ATRNL1: variants seen among roughly 807,000 people sequenced by gnomAD.
ATRNL1 encodes attractin-like protein 1.
ATRNL1 carries 95 observed loss-of-function variants against 182.7 expected under a neutral mutation model. The observed-to-expected ratio is 0.52, with a 90% confidence interval of 0.44 to 0.62. ATRNL1 has a LOEUF of 0.62. Among genes scored for constraint, ATRNL1 ranks in the 20% least tolerant of loss-of-function variants. The pLI, the probability that ATRNL1 is intolerant of heterozygous loss-of-function variation, is 0.00. For missense variants in ATRNL1, 1,471 were observed against 1,679.5 expected (o/e 0.88, Z 2.17); for synonymous variants, 576 against 568.3 (o/e 1.01, Z -0.19).
intron 22 of ATRNL1, among the ~76,000 whole-genome samples, chr10:115,465,283 G>A (rs1554970568): frequency 6.6e-6 from 1 of 151,570 alleles, no homozygotes; most frequent in East Asian, 1.9e-4. Context: ...TTTGCTACCA[G>A]ATATCTACCT....
Position 115,654,915 on chromosome 10 carries a change from A to G in ATRNL1, c.3796-72333A>G, listed in dbSNP as rs369652961. Among the ~76,000 whole-genome samples, 39 of 152,272 alleles carry G rather than the reference A, an allele frequency of 2.6e-4. 1 individual carries two copies. In the South Asian group the frequency reaches 7.9e-3, roughly 31 times the overall value. ...TAGCCAAGACCTTAAGAGACTGACA[A>G]TTTCCACTTCTTGTCTCTTAGAGCA... On this transcript the variant is annotated intron_variant, in intron 26 of 28. Transcript: ENST00000355044.
chr10:115,650,044 TG>T (rs1555033906), intron 26 of ATRNL1, among the ~76,000 whole-genome samples: 1 of 152,170 alleles, frequency 6.6e-6, no homozygotes, highest in East Asian at 1.9e-4. Context: ...TTCTCATTTC[TG>T]TGCTTATGAG....
intron 27 of ATRNL1, among the ~76,000 whole-genome samples, chr10:115,818,392 G>A (rs1270308034): frequency 1.3e-5 from 2 of 151,992 alleles, no homozygotes; most frequent in African/African-American, 2.4e-5. Flanking sequence ...TTGGCTTATT[G>A]TATTATTCAG....
At chr10:115,508,367 A>G (rs887676804) in intron 24 of ATRNL1, among the ~76,000 whole-genome samples, 8 of 152,066 alleles carry the variant, frequency 5.3e-5, no homozygotes, top group East Asian at 1.9e-4. Flanking sequence ...ATTGCTTCCC[A>G]GTGTTCAAAT....
At chr10:115,384,761 C>T (rs1167763446) in intron 19 of ATRNL1, among the ~76,000 whole-genome samples, 4 of 151,844 alleles carry the variant, frequency 2.6e-5, no homozygotes, top group Admixed American at 1.3e-4. Flanking sequence ...ATCCTTGCTG[C>T]AGACTGTATT....
intron 26 of ATRNL1, among the ~76,000 whole-genome samples, chr10:115,685,960 G>A (rs1259919717): frequency 2.6e-5 from 4 of 151,466 alleles, no homozygotes; most frequent in Non-Finnish European, 5.9e-5. Context: ...TGCCAAATAT[G>A]GAATATTATT....
chr10:115,589,376 T>A (rs1433247370), intron 26 of ATRNL1, among the ~76,000 whole-genome samples: 1 of 152,156 alleles, frequency 6.6e-6, no homozygotes, highest in African/African-American at 2.4e-5. Flanking sequence ...TGGAAAATAT[T>A]ATATTTATTC....
chr10:115,166,987 C>T (rs1287177826), intron 7 of ATRNL1, among the ~76,000 whole-genome samples: 2 of 151,864 alleles, frequency 1.3e-5, no homozygotes, highest in East Asian at 3.9e-4. Context: ...GATCCAATGT[C>T]ATGAAGCTTT....
intron 8 of ATRNL1, among the ~76,000 whole-genome samples, chr10:115,213,594 G>A (rs1011537588): frequency 1.5e-4 from 23 of 152,114 alleles, no homozygotes; most frequent in African/African-American, 5.3e-4. Context: ...TTTTTCTTTG[G>A]TTGTCTCTTA....
intron 21 of ATRNL1, among the ~76,000 whole-genome samples, chr10:115,461,477 G>C (rs1404091899): frequency 6.6e-6 from 1 of 151,974 alleles, no homozygotes. Context: ...CATTATATGA[G>C]AAATATTATT....
intron 1 of ATRNL1, among the ~76,000 whole-genome samples, chr10:115,115,648 C>G (rs543869910): frequency 3.9e-5 from 6 of 152,052 alleles, no homozygotes; most frequent in African/African-American, 1.4e-4. Context: ...CAAAGGCCAC[C>G]CTGCATAAAG....
Position 115,191,640 on chromosome 10 carries a change from A to G in ATRNL1, c.1348+20348A>G, listed in dbSNP as rs566011576. On this transcript the variant is annotated intron_variant, in intron 8 of 28. Transcript: ENST00000355044. ...GAGCAGCTTCCCCCATGCTGTTCTC[A>G]TTATAGTGAGTGAGTTCTCATGAGA... is the stretch of plus-strand genomic sequence containing the variant. Among the ~76,000 whole-genome samples the G allele has an allele frequency of 2.6e-5, 4 of 152,146 alleles. No individual in the cohort carries two copies. In the South Asian group the frequency reaches 8.3e-4, roughly 31 times the overall value.
chr10:115,266,697 A>G (rs1851622222), intron 11 of ATRNL1, 100 bp from the exon 12 acceptor site: 2 of 662,982 alleles, frequency 3.0e-6, no homozygotes, highest in South Asian at 2.5e-5. Flanking sequence ...TTAAAATAGT[A>G]TAAAATGTAT....
chr10:115,429,517 T>C (rs990878370), intron 21 of ATRNL1, among the ~76,000 whole-genome samples: 2 of 152,142 alleles, frequency 1.3e-5, no homozygotes, highest in African/African-American at 2.4e-5. Context: ...ATTCCTATCT[T>C]ATTTTGTGAC....
At chr10:115,580,016 A>G (rs183521020) in intron 26 of ATRNL1, among the ~76,000 whole-genome samples, 6 of 152,076 alleles carry the variant, frequency 3.9e-5, no homozygotes, top group African/African-American at 4.8e-5. Flanking sequence ...TCCTCACATT[A>G]TACACTGCTG....
chr10:115,370,217 G>A (rs555315858), intron 19 of ATRNL1, among the ~76,000 whole-genome samples: 1 of 152,300 alleles, frequency 6.6e-6, no homozygotes, highest in South Asian at 2.1e-4. Flanking sequence ...CCCAGTCTCA[G>A]TATGTCTTTA....
chr10:115,272,792 G>C (rs370642828), intron 13 of ATRNL1, among the ~76,000 whole-genome samples: 1 of 152,122 alleles, frequency 6.6e-6, no homozygotes, highest in Non-Finnish European at 1.5e-5. Context: ...TTTATGAAAC[G>C]AGTTGCTTGA....
chr10:115,649,849 G>A (rs1004167302), intron 26 of ATRNL1, among the ~76,000 whole-genome samples: 3 of 152,024 alleles, frequency 2.0e-5, no homozygotes, highest in Non-Finnish European at 1.5e-5. Flanking sequence ...GAGTTTTTAT[G>A]GCATGGAACT....
chr10:115,650,290 C>G (rs1479554350), intron 26 of ATRNL1, among the ~76,000 whole-genome samples: 1 of 152,026 alleles, frequency 6.6e-6, no homozygotes, highest in African/African-American at 2.4e-5. Context: ...AGAGCTGACA[C>G]GATTGGACAT....
Sources: allele counts gnomAD v4.1 joint callset (sites outside exome capture counted in the v4.1 genomes callset), GRCh38; gene constraint gnomAD v4.1.1; transcripts MANE v1.5; gene names NCBI Gene and HGNC (gene_info 2026-07-23, HGNC 2026-07-21).